The following FKBP15 variants were observed in gnomAD, a reference collection of about 807,000 sequenced individuals.
The protein encoded by FKBP15 is FK506-binding protein 15.
Under a neutral mutation model 158.1 loss-of-function variants are expected in FKBP15, and 106 were observed. The ratio of observed to expected loss-of-function variants is 0.67; its 90% CI spans 0.57 to 0.79. The LOEUF (loss-of-function observed/expected upper bound fraction) is 0.79, where lower values mean the gene tolerates loss of function less well. Ranked by LOEUF, FKBP15 falls within the 30% of genes least tolerant of loss-of-function variation. FKBP15 has a pLI of 0.00. For missense variants in FKBP15, 1,287 were observed against 1,479.1 expected (o/e 0.87, Z 2.13); for synonymous variants, 547 against 548.6 (o/e 1.00, Z 0.04).
At chr9:113,213,663 T>C (rs564278111) in intron 1 of FKBP15, among the ~76,000 whole-genome samples, 1 of 151,838 alleles carries the variant, frequency 6.6e-6, no homozygotes, top group Non-Finnish European at 1.5e-5. Context: ...GGAAGAAAGA[T>C]CTGAGCTAGT....
Position 113,194,612 on chromosome 9 carries a change from C to A in FKBP15, c.865-443G>T, listed in dbSNP as rs986728208. 2.0e-4 allele frequency among the ~76,000 whole-genome samples: 31 copies of A among 152,136 alleles called. 2 individuals carry two copies. The highest frequency in any genetic ancestry group is 2.1e-4 in the South Asian group (1 of 4,830). On this transcript the variant is annotated intron_variant, in intron 9 of 27. Transcript: ENST00000238256. Reference sequence around the variant, plus strand: ...CCAAAAAGACAAAGGTAGCAATCACCTGCAATCCAACTACCATTATATTAT... The same window carrying A: ...CCAAAAAGACAAAGGTAGCAATCACATGCAATCCAACTACCATTATATTAT...
At chr9:113,178,443 T>C (rs905176534) in intron 20 of FKBP15, among the ~76,000 whole-genome samples, 187 bp downstream of exon 20, 1 of 152,204 alleles carries the variant, frequency 6.6e-6, no homozygotes, top group Non-Finnish European at 1.5e-5. Flanking sequence ...TCCACATGAA[T>C]AGTCAGTTCT....
At chr9:113,212,575 G>C (rs774159365) in intron 1 of FKBP15, among the ~76,000 whole-genome samples, 1 of 152,090 alleles carries the variant, frequency 6.6e-6, no homozygotes, top group Non-Finnish European at 1.5e-5. Context: ...CAATTAACTT[G>C]TTCTTCTTCA....
chr9:113,170,382 T>C (rs1256429386), intron 25 of FKBP15, 140 bp downstream of exon 25: 7 of 664,652 alleles, frequency 1.1e-5, no homozygotes, highest in African/African-American at 3.6e-5. Context: ...TCCTCCCACC[T>C]TGGCCTCCCA....
chr9:113,169,564 G>C lies in FKBP15; in HGVS notation c.3145C>G (p.Leu1049Val). 2 of 1,614,034 alleles carry C rather than the reference G, an allele frequency of 1.2e-6. No homozygotes were observed. Among genetic ancestry groups the C allele is most frequent in the Non-Finnish European group, 1.7e-6 (2 of 1,179,890 alleles). The change falls in exon 26 of 28, where the codon CTA becomes GTA. Residue 1049 changes from leucine (L) to valine (V), a missense_variant. By Grantham distance (32) the Leu-to-Val change is conservative. Transcript: ENST00000238256. ...TCAGAGTCCATGGATACAGGGCCTA[G>C]GGGCTCAGGTGGAATTGAAGTCGGG... ...GPPTSIPPEP[L>V]GPVSMDSECE...
chr9:113,217,220 T>C (rs1320609700), intron 1 of FKBP15, among the ~76,000 whole-genome samples: 3 of 145,526 alleles, frequency 2.1e-5, no homozygotes, highest in Non-Finnish European at 1.5e-5. Flanking sequence ...TTTTTTTTTT[T>C]TTTTTTTAAT....
intron 24 of FKBP15, among the ~76,000 whole-genome samples, 175 bp downstream of exon 24, chr9:113,171,406 C>A (rs1482666624): frequency 6.6e-5 from 10 of 152,198 alleles, no homozygotes; most frequent in Non-Finnish European, 1.3e-4. Context: ...AGCCTGGTGA[C>A]AAAGTGAGAC....
At chr9:113,188,967 A>T (rs1830529442) in intron 12 of FKBP15, among the ~76,000 whole-genome samples, 1 of 152,262 alleles carries the variant, frequency 6.6e-6, no homozygotes, top group South Asian at 2.1e-4. Context: ...GCACCTGATT[A>T]ACATGCTGTT....
At chr9:113,206,873 C>T in intron 3 of FKBP15, 1 of 434,134 alleles carries the variant, frequency 2.3e-6, no homozygotes, top group Non-Finnish European at 4.1e-6. Flanking sequence ...TGCGCCACCG[C>T]ACCCGGCCCA....
chr9:113,178,953 G>A (rs1830344938), intron 19 of FKBP15, among the ~76,000 whole-genome samples, 152 bp from the exon 20 acceptor site: 1 of 152,090 alleles, frequency 6.6e-6, no homozygotes, highest in Admixed American at 6.5e-5. Flanking sequence ...AAATTATGGG[G>A]TGGACCATCT....
chr9:113,167,802 G>A (rs1378732129), intron 27 of FKBP15, among the ~76,000 whole-genome samples: 7 of 152,186 alleles, frequency 4.6e-5, no homozygotes, highest in Admixed American at 2.0e-4. Flanking sequence ...CAGCAGAGGC[G>A]AGAACCGGGG....
At chr9:113,166,416 T>C (rs938693097) in intron 27 of FKBP15, among the ~76,000 whole-genome samples, 1 of 152,216 alleles carries the variant, frequency 6.6e-6, no homozygotes, top group Non-Finnish European at 1.5e-5. Flanking sequence ...ATGAAGCACA[T>C]GTACTGATTT....
Position 113,187,932 on chromosome 9 carries a change from C to T in FKBP15, c.1277-33G>A, listed in dbSNP as rs145385505. Reference sequence around the variant, plus strand: ...AAAGGGAGACATTTTCACTGTTATCCACCCTTGCTTCTTGGTGTGAGTCTA... The same window carrying T: ...AAAGGGAGACATTTTCACTGTTATCTACCCTTGCTTCTTGGTGTGAGTCTA... On this transcript the variant is annotated intron_variant, in intron 13 of 27. Transcript: ENST00000238256. 428 of 1,524,746 alleles carry T rather than the reference C, an allele frequency of 2.8e-4. 2 individuals are homozygous for T. The African/African-American group carries it at 4.7e-3, about 17-fold the overall frequency. 94.5% of individuals were successfully genotyped at this position (1,524,746 alleles called of 1,614,324 possible). A position where few individuals can be genotyped will look rare whatever the true frequency, so the allele number is the denominator to read the frequency against.
intron 2 of FKBP15, among the ~76,000 whole-genome samples, chr9:113,207,501 G>A (rs1456201059): frequency 3.3e-5 from 5 of 151,508 alleles, no homozygotes; most frequent in Admixed American, 6.6e-5. Flanking sequence ...CACCACATCC[G>A]GCTAATTTTT....
In FKBP15 at chr9:113,193,491, C is replaced by T. The variant is rs1430853963; in HGVS notation, c.1065+1G>A. 1 of 1,590,858 alleles carries T rather than the reference C, an allele frequency of 6.3e-7. No individual in the cohort carries two copies. The highest frequency in any genetic ancestry group is 8.6e-7 in the Non-Finnish European group (1 of 1,167,562). ...TGCCTGGCCAAGACTCTTATACTTACTGTATTTATTGCAAGTTGTTCACTG... is the reference window on the plus strand; with the variant it reads ...TGCCTGGCCAAGACTCTTATACTTATTGTATTTATTGCAAGTTGTTCACTG... On this transcript the variant is annotated splice_donor_variant, in intron 11 of 27. Coordinates refer to ENST00000238256, the MANE Select transcript of FKBP15 (RefSeq NM_015258.2). LOFTEE classifies it high-confidence loss of function.
chr9:113,169,085 G>A, intron 26 of FKBP15, 139 bp downstream of exon 26: 4 of 1,236,154 alleles, frequency 3.2e-6, no homozygotes, highest in Non-Finnish European at 4.4e-6. Flanking sequence ...GGTAGGTGTT[G>A]TTGAATTAAT....
chr9:113,216,079 T>G (rs1831125479), intron 1 of FKBP15, among the ~76,000 whole-genome samples: 1 of 76,672 alleles, frequency 1.3e-5, no homozygotes, highest in Non-Finnish European at 2.7e-5. Flanking sequence ...AACCTTTATT[T>G]TGTGAAAAAA....
intron 13 of FKBP15, 112 bp downstream of exon 13, chr9:113,188,277 A>T: frequency 1.2e-6 from 1 of 807,776 alleles, no homozygotes; most frequent in Non-Finnish European, 2.0e-6. Context: ...TCTTACATTT[A>T]CACTTTAGTC....
chr9:113,191,627 T>G (rs572520981), intron 11 of FKBP15, among the ~76,000 whole-genome samples: 2 of 148,592 alleles, frequency 1.3e-5, no homozygotes, highest in African/African-American at 4.9e-5. Context: ...GAAAAGATTC[T>G]GCATTATATA....
Sources: gnomAD v4.1 joint callset for allele counts (sites outside exome capture counted in the v4.1 genomes callset) on GRCh38, gnomAD v4.1.1 for gene constraint, MANE v1.5 for transcripts, NCBI Gene and HGNC (gene_info 2026-07-23, HGNC 2026-07-21) for gene names.